Variants in PCDHGA7 observed in about 807,000 individuals in gnomAD.
The protein encoded by PCDHGA7 is protocadherin gamma-A7.
A neutral mutation model predicts 58.3 loss-of-function variants in PCDHGA7; 44 were observed. The observed-to-expected ratio is 0.75, with a 90% confidence interval of 0.59 to 0.97. The LOEUF (loss-of-function observed/expected upper bound fraction) is 0.97. PCDHGA7 is among the 50% of genes least tolerant of loss of function. PCDHGA7 has a pLI of 0.00. For missense variants in PCDHGA7, 1,266 were observed against 1,188.7 expected, an observed-to-expected ratio of 1.06 and a Z score of -0.96; for synonymous variants, 516 against 504.2, an observed-to-expected ratio of 1.02 and a Z score of -0.31.
At position 141,485,321 on chromosome 5, in the gene PCDHGA7, C is replaced by G. The variant is rs780179631; in HGVS notation, c.2425-9486C>G. The G allele has an allele frequency of 6.2e-7, 1 of 1,614,154 alleles. No homozygotes were observed. Among genetic ancestry groups the G allele is most frequent in the Non-Finnish European group, 8.5e-7 (1 of 1,180,024 alleles). On this transcript the variant is annotated intron_variant, in intron 1 of 3. Transcript: ENST00000518325. This position sits in a 1 kb window ranked among gnomAD's most constrained non-coding sequence, Gnocchi z 5.7. The stretch of plus-strand genomic sequence containing the variant: ...AGGGACTTTTGTAGGGAATGTCGCT[C>G]AAGATTTCCTGCTGGATACGGACAG...
intron 1 of PCDHGA7, chr5:141,420,939 C>A: frequency 2.6e-6 from 1 of 387,512 alleles, no homozygotes; most frequent in South Asian, 5.2e-5. Context: ...GTAATCATTT[C>A]TTCTGGAATT....
chr5:141,446,468 A>G (rs2098503159), intron 1 of PCDHGA7, among the ~76,000 whole-genome samples: 1 of 149,982 alleles, frequency 6.7e-6, no homozygotes, highest in African/African-American at 2.5e-5. Flanking sequence ...GTGATTAGAC[A>G]TATGGTCATC....
rs145938509 is a variant in PCDHGA7, at chr5:141,384,456, C to A, written c.1557C>A (p.Ser519=). 1 of 1,614,054 alleles carries A rather than the reference C, an allele frequency of 6.2e-7. No individual in the cohort carries two copies. The highest frequency in any genetic ancestry group is 2.2e-5 in the East Asian group (1 of 44,892). ...SDTGVLYALQ[S]FDYEQLRELQ... Reference sequence around the variant, plus strand: ...CTGGAGTCCTGTACGCGCTGCAATCCTTTGATTATGAGCAGTTGAGAGAAC... The same window carrying A: ...CTGGAGTCCTGTACGCGCTGCAATCATTTGATTATGAGCAGTTGAGAGAAC... The change falls in exon 1 of 4, where the codon TCC becomes TCA. Residue 519 remains serine, a synonymous_variant. Transcript: ENST00000518325.
rs370704204 is a variant in PCDHGA7, at chr5:141,389,625, G to A, written c.2424+4302G>A. On this transcript the variant is annotated intron_variant, in intron 1 of 3. Coordinates refer to ENST00000518325, the MANE Select transcript of PCDHGA7 (RefSeq NM_018920.4). The stretch of plus-strand genomic sequence containing the variant: ...CTTCGATATGGTGCCGCACGCTGCA[G>A]AGCCTGGCTACTTGGTGACCAAGGT... 6 of 1,613,020 alleles carry A rather than the reference G, an allele frequency of 3.7e-6. No individual in the cohort carries two copies. The Admixed American group carries it at 5.0e-5, about 13-fold the overall frequency.
At position 141,431,869 on chromosome 5, in the gene PCDHGA7, T is replaced by C. The variant is rs140856757; in HGVS notation, c.2424+46546T>C. ...GAGGGACATTAATTGCCCTTTTAAA[T>C]GTAAATGACCAAGATTCTGAGGAAA... is the stretch of plus-strand genomic sequence containing the variant. On this transcript the variant is annotated intron_variant, in intron 1 of 3. Transcript: ENST00000518325. The surrounding 1 kb of genome is among the most constrained non-coding windows in gnomAD (Gnocchi z 4.8). 8.5e-4 allele frequency: 1,376 copies of C among 1,614,252 alleles called. 2 individuals carry two copies. Among genetic ancestry groups the C allele is most frequent in the Non-Finnish European group, 1.1e-3 (1,291 of 1,180,028 alleles).
intron 1 of PCDHGA7, chr5:141,399,419 G>T (rs778389329): frequency 6.2e-7 from 1 of 1,614,000 alleles, no homozygotes; most frequent in Admixed American, 1.7e-5. Context: ...CTCTCCTCCA[G>T]CATAAGCGTC....
At chr5:141,448,924 G>A (rs1244728418) in intron 1 of PCDHGA7, among the ~76,000 whole-genome samples, 1 of 152,116 alleles carries the variant, frequency 6.6e-6, no homozygotes, top group East Asian at 1.9e-4. Flanking sequence ...CAGCCTGGGC[G>A]ACAGAGCAAG....
chr5:141,429,169 T>TACGC (rs2097190400), intron 1 of PCDHGA7: 1 of 145,394 alleles, frequency 6.9e-6, no homozygotes, highest in Non-Finnish European at 1.5e-5. Flanking sequence ...ACATTGTTTA[T>TACGC]ACACACACAC....
intron 1 of PCDHGA7, among the ~76,000 whole-genome samples, chr5:141,455,250 A>C (rs1016027355): frequency 2.0e-5 from 3 of 152,172 alleles, no homozygotes; most frequent in Non-Finnish European, 2.9e-5. Flanking sequence ...GTCATAGTAC[A>C]ATCGCATTTC....
chr5:141,409,753 G>T, intron 1 of PCDHGA7: 1 of 1,613,006 alleles, frequency 6.2e-7, no homozygotes. Context: ...TGTTCGCGCA[G>T]CGCGCCTTTG....
At chr5:141,454,567 C>T (rs572130062) in intron 1 of PCDHGA7, among the ~76,000 whole-genome samples, 10 of 150,966 alleles carry the variant, frequency 6.6e-5, no homozygotes, top group South Asian at 2.1e-4. Context: ...CCACCACGCC[C>T]GGCTAATTTT....
chr5:141,489,692 G>C lies in PCDHGA7; in HGVS notation c.2425-5115G>C, dbSNP rs768806028. The stretch of plus-strand genomic sequence containing the variant: ...TCAGAATCAGCAGCATCTGGGGCAC[G>C]ATTCCCACTGGACAGTGCCCAGGAT... On this transcript the variant is annotated intron_variant, in intron 1 of 3. Transcript: ENST00000518325. This position sits in a 1 kb window ranked among gnomAD's most constrained non-coding sequence, Gnocchi z 4.5. 6.2e-7 allele frequency: 1 copy of C among 1,614,128 alleles called. No individual in the cohort carries two copies. Among genetic ancestry groups the C allele is most frequent in the South Asian group, 1.1e-5 (1 of 91,080 alleles).
rs775092851 is a variant in PCDHGA7 at position 141,388,890 on chromosome 5, A to G, written c.2424+3567A>G. ...GCAATGCACAGTGGAGGTAGAAGTC[A>G]TAGATGAAAATGACAACGCCCCAGA... On this transcript the variant is annotated intron_variant, in intron 1 of 3. Coordinates refer to ENST00000518325, the MANE Select transcript of PCDHGA7 (RefSeq NM_018920.4). The G allele has an allele frequency of 3.7e-6, 6 of 1,613,888 alleles. No individual in the cohort carries two copies. The African/African-American group carries it at 6.7e-5, about 18-fold the overall frequency.
intron 1 of PCDHGA7, among the ~76,000 whole-genome samples, chr5:141,461,782 TAG>T (rs2099022757): frequency 6.6e-6 from 1 of 152,086 alleles, no homozygotes; most frequent in South Asian, 2.1e-4. Context: ...GCCTCCCAAG[TAG>T]CTGGGATTAC....
intron 1 of PCDHGA7, chr5:141,409,493 CCT>C (rs1312265786): frequency 6.2e-6 from 10 of 1,614,012 alleles, no homozygotes; most frequent in Non-Finnish European, 7.6e-6. Context: ...GGGCAAGCCG[CCT>C]CTTTCTTCCA....
At chr5:141,498,632 A>G (rs2099784830) in intron 2 of PCDHGA7, among the ~76,000 whole-genome samples, 1 of 152,118 alleles carries the variant, frequency 6.6e-6, no homozygotes, top group South Asian at 2.1e-4. Context: ...CACTGCCTAG[A>G]CAGAAGGAAG....
rs560662076 is a variant in PCDHGA7, at chr5:141,498,856, C to A, written c.2483+3991C>A. Among the ~76,000 whole-genome samples, 72 of 152,004 alleles carry A rather than the reference C, an allele frequency of 4.7e-4. 2 individuals carry two copies. Among genetic ancestry groups the A allele is most frequent in the African/African-American group, 1.7e-3 (69 of 41,430 alleles). ...GCTGAGGCAGGGGAATCGCTTGAACCCAGGAGGCGGAGGTTGCAGTGAGCT... is the reference window on the plus strand; with the variant it reads ...GCTGAGGCAGGGGAATCGCTTGAACACAGGAGGCGGAGGTTGCAGTGAGCT... On this transcript the variant is annotated intron_variant, in intron 2 of 3. Coordinates refer to ENST00000518325, the MANE Select transcript of PCDHGA7 (RefSeq NM_018920.4).
chr5:141,399,443 G>A, intron 1 of PCDHGA7: 1 of 1,614,018 alleles, frequency 6.2e-7, no homozygotes, highest in Non-Finnish European at 8.5e-7. Flanking sequence ...CTACATATCA[G>A]AGACGTCAAC....
Position 141,476,873 on chromosome 5 carries a change from G to A in PCDHGA7, c.2425-17934G>A. 1.9e-6 allele frequency: 3 copies of A among 1,613,936 alleles called. No homozygotes were observed. Among genetic ancestry groups the A allele is most frequent in the Non-Finnish European group, 2.5e-6 (3 of 1,180,038 alleles). Reference sequence around the variant, plus strand: ...CAACCAGTCCTTGTACCGGGCGCGCGTCCTGGAGGATGCACCCTCCGGCAC... The same window carrying A: ...CAACCAGTCCTTGTACCGGGCGCGCATCCTGGAGGATGCACCCTCCGGCAC... On this transcript the variant is annotated intron_variant, in intron 1 of 3. Transcript: ENST00000518325. The surrounding 1 kb of genome is among the most constrained non-coding windows in gnomAD (Gnocchi z 7.6).
Sources: gnomAD v4.1 joint callset for allele counts (sites outside exome capture counted in the v4.1 genomes callset) on GRCh38, gnomAD v4.1.1 for gene constraint, Gnocchi (gnomAD v3.1) non-coding constraint, MANE v1.5 for transcripts, NCBI Gene and HGNC (gene_info 2026-07-23, HGNC 2026-07-21) for gene names.